Variants in WDR90 observed in about 807,000 individuals in gnomAD.
WDR90 encodes WD repeat domain 90.
Under a neutral mutation model 195.2 loss-of-function variants are expected in WDR90, and 238 were observed. The observed-to-expected ratio is 1.22, with a 90% CI of 1.10 to 1.36. The LOEUF (loss-of-function observed/expected upper bound fraction) is 1.36, where lower values mean the gene tolerates loss of function less well. Ranked by LOEUF, WDR90 falls within the 40% of genes most tolerant of loss-of-function variation. WDR90 has a pLI of 0.00. For synonymous variants in WDR90, 1,265 were observed against 1,052.4 expected, an observed-to-expected ratio of 1.20 and a Z score of -3.91; for missense variants, 2,734 against 2,439.5, an observed-to-expected ratio of 1.12 and a Z score of -2.54.
chr16:657,293 C>G, intron 20 of WDR90, 72 bp downstream of exon 20: 1 of 1,460,464 alleles, frequency 6.8e-7, no homozygotes, highest in Non-Finnish European at 9.1e-7. Flanking sequence ...CAGGCCCACA[C>G]CTGGACACAC....
Position 661,011 on chromosome 16 carries a change from C to T in WDR90, c.3392-40C>T. 1.3e-5 allele frequency: 2 copies of T among 157,250 alleles called. 1 individual carries two copies. Among genetic ancestry groups the T allele is most frequent in the Non-Finnish European group, 1.7e-5 (2 of 117,036 alleles). The allele number at this position is 157,250 out of a possible 1,614,324, so 9.7% of individuals were successfully genotyped here. ...CCAGGCCCCTCCCCGCCCCCCCCCC[C>T]CCCCGGCCCGGCCTCAGGCCCCGCC... is the stretch of plus-strand genomic sequence containing the variant. On this transcript the variant is annotated intron_variant, in intron 28 of 40. Transcript: ENST00000293879.
chr16:653,688 C>T lies in WDR90; in HGVS notation c.1379+18C>T, dbSNP rs373422509. 3 of 1,613,258 alleles carry T rather than the reference C, an allele frequency of 1.9e-6. No individual in the cohort carries two copies. The highest frequency in any genetic ancestry group is 3.3e-5 in the Admixed American group (2 of 60,028). On this transcript the variant is annotated intron_variant, in intron 12 of 40. Transcript: ENST00000293879. ...TCTCTCAGGTGAGCACAGGTCTGCC[C>T]CATGCAGGGGGAGGGGGTCAGCCCA...
chr16:655,796 C>T lies in WDR90; in HGVS notation c.1873C>T (p.Leu625Phe). 1 of 1,590,038 alleles carries T rather than the reference C, an allele frequency of 6.3e-7. No individual in the cohort carries two copies. Among genetic ancestry groups the T allele is most frequent in the Non-Finnish European group, 8.6e-7 (1 of 1,169,554 alleles). ...AGGCCCCGGCATTGCCATCAGCAGC[C>T]TCAGCGTCTCCCCGGCCATGTGTGC... Reference protein sequence around the residue: ...SSGPGIAISSLSVSPAMCAVG... With the variant: ...SSGPGIAISSFSVSPAMCAVG... Residue 625 changes from leucine (L) to phenylalanine (F), a missense_variant, in exon 17 of 41, where the codon CTC (leucine) becomes TTC (phenylalanine). Transcript: ENST00000293879.
chr16:657,712 C>T lies in WDR90; in HGVS notation c.2474-50C>T, dbSNP rs369597241. The T allele has an allele frequency of 8.9e-4, 1,318 of 1,486,306 alleles. 11 individuals are homozygous for T. The South Asian group carries it at 9.4e-3, about 11-fold the overall frequency. 92.1% of individuals were successfully genotyped at this position (1,486,306 alleles called of 1,614,324 possible). A position where few individuals can be genotyped will look rare whatever the true frequency, so the allele number is the denominator to read the frequency against. ...GCGGCCTCCTCGGGCCCTGGCCACG[C>T]GCACCCCGGCACTCCCCACCCAGCT... On this transcript the variant is annotated intron_variant, in intron 20 of 40. Transcript: ENST00000293879.
At position 658,189 on chromosome 16, in the gene WDR90, C is replaced by T. The variant is rs371379168; in HGVS notation, c.2611C>T (p.Arg871Ter). 2.9e-5 allele frequency: 46 copies of T among 1,608,070 alleles called. No individual in the cohort carries two copies. Among genetic ancestry groups the T allele is most frequent in the Admixed American group, 1.0e-4 (6 of 59,892 alleles). Residue 871 changes from arginine to a stop codon, truncating the protein, a stop_gained, in exon 22 of 41, where the codon CGA (arginine) becomes TGA (stop). Transcript: ENST00000293879. LOFTEE classifies it high-confidence loss of function. The part of the protein sequence containing the change: ...MGSASLDELL[R>*]VDIGTLDLAS... The stretch of plus-strand genomic sequence containing the variant: ...CACTTACCACTACCCCCAGCTGCTG[C>T]GAGTTGACATCGGCACTCTGGACCT...
At chr16:664,643 G>A (rs1391156421) in intron 34 of WDR90, among the ~76,000 whole-genome samples, 1 of 152,036 alleles carries the variant, frequency 6.6e-6, no homozygotes, top group East Asian at 1.9e-4. Context: ...GAGCTGTCCT[G>A]GTCTGAGTCC....
At position 667,724 on chromosome 16, in the gene WDR90, A is replaced by G; in HGVS notation, c.*135A>G. 1.4e-6 allele frequency: 2 copies of G among 1,390,492 alleles called. No individual in the cohort carries two copies. Among genetic ancestry groups the G allele is most frequent in the South Asian group, 1.2e-5 (1 of 81,328 alleles). 86.1% of individuals were successfully genotyped at this position (1,390,492 alleles called of 1,614,324 possible). On this transcript the variant is annotated 3_prime_UTR_variant, in exon 41 of 41. Transcript: ENST00000293879. ...AGGATTCACGTAAATCGCCTGGAGC[A>G]AGCTGTTGTAAATTTGGCGCCCTGT...
In WDR90 at chr16:666,944, C is replaced by G; in HGVS notation, c.5044C>G (p.Leu1682Val). The change falls in exon 40 of 41, where the codon CTG becomes GTG. Residue 1682 changes from leucine to valine, a missense_variant. Leu to Val is a conservative substitution (Grantham distance 32). Coordinates refer to ENST00000293879, the MANE Select transcript of WDR90 (RefSeq NM_145294.5). The stretch of plus-strand genomic sequence containing the variant: ...ACCACTGCCCTTTTTTGCCATGTCC[C>G]TGAGCCTGTCCCCCGGGACCCACCT... ...KIPLPFFAMS[L>V]SLSPGTHLLA... The G allele has an allele frequency of 6.2e-7, 1 of 1,612,488 alleles. No homozygotes were observed. The highest frequency in any genetic ancestry group is 8.5e-7 in the Non-Finnish European group (1 of 1,179,384).
chr16:651,509 A>T, intron 7 of WDR90, 135 bp from the exon 8 acceptor site: 1 of 1,033,844 alleles, frequency 9.7e-7, no homozygotes, highest in South Asian at 1.5e-5. Flanking sequence ...CTAGGGTGGA[A>T]GTGGGGATAC....
At position 658,920 on chromosome 16, in the gene WDR90, G is replaced by A. The variant is rs202101949; in HGVS notation, c.2920G>A (p.Val974Met). The A allele has an allele frequency of 5.6e-6, 9 of 1,612,360 alleles. 1 individual carries two copies. The highest frequency in any genetic ancestry group is 2.2e-5 in the South Asian group (2 of 91,084). ...GGTGTACATCGGCCACTCGGAACCCGTGCAGGCTGTGGCCTTCTCTCCTGA... is the reference window on the plus strand; with the variant it reads ...GGTGTACATCGGCCACTCGGAACCCATGCAGGCTGTGGCCTTCTCTCCTGA... ...PQVYIGHSEP[V>M]QAVAFSPDQQ... Residue 974 changes from valine (V) to methionine (M), a missense_variant, in exon 24 of 41, where the codon GTG becomes ATG. Val to Met is a conservative substitution (Grantham distance 21, BLOSUM62 1). Coordinates refer to ENST00000293879, the MANE Select transcript of WDR90 (RefSeq NM_145294.5).
Position 650,344 on chromosome 16 carries a change from G to C in WDR90, c.370G>C (p.Ala124Pro), listed in dbSNP as rs763596056. The stretch of plus-strand genomic sequence containing the variant: ...GCTCCAGTTTCCCTTGGTCCTGGAG[G>C]CCAGGACACCTCAGAGAGGTGACAC... Reference protein sequence around the residue: ...TWLQFPLVLEARTPQRDLVGL... With the variant: ...TWLQFPLVLEPRTPQRDLVGL... The change falls in exon 4 of 41, where the codon GCC (alanine) becomes CCC (proline). Residue 124 changes from alanine (A) to proline (P), a missense_variant. Physicochemically the swap from Ala to Pro is conservative, Grantham distance 27 (BLOSUM62 -1). Coordinates refer to ENST00000293879, the MANE Select transcript of WDR90 (RefSeq NM_145294.5). The C allele has an allele frequency of 6.2e-7, 1 of 1,612,610 alleles. No individual in the cohort carries two copies. The highest frequency in any genetic ancestry group is 8.5e-7 in the Non-Finnish European group (1 of 1,179,832).
At position 651,974 on chromosome 16, in the gene WDR90, G is replaced by A. The variant is rs1388432897; in HGVS notation, c.988G>A (p.Ala330Thr). Residue 330 changes from alanine to threonine, a missense_variant, in exon 9 of 41, where the codon GCC becomes ACC. Transcript: ENST00000293879. ...LEASDIHTAAAGTHVLTHESA... is the reference protein window; with the variant it reads ...LEASDIHTAATGTHVLTHESA... ...GGCCTCTGACATCCACACGGCTGCT[G>A]CCGGCACCCACGTGTTGACTCACGA... 3.7e-6 allele frequency: 6 copies of A among 1,607,266 alleles called. No individual in the cohort carries two copies. The East Asian group carries it at 1.1e-4, about 30-fold the overall frequency.
rs964400641 is a variant in WDR90 at position 659,357 on chromosome 16, G to A, written c.3165G>A (p.Arg1055=). Residue 1055 remains arginine (R), a synonymous_variant, in exon 26 of 41, where the codon AGG becomes AGA. Transcript: ENST00000293879. Reference sequence around the variant, plus strand: ...CACCACGGCTGGGCGTCTGTGCCAGGCCTCCCGAAGGTGGCGATGGTGAGC... The same window carrying A: ...CACCACGGCTGGGCGTCTGTGCCAGACCTCCCGAAGGTGGCGATGGTGAGC... ...ASPPRLGVCA[R]PPEGGDGARD... is the part of the protein sequence containing the mutation. The A allele has an allele frequency of 1.3e-6, 2 of 1,593,134 alleles. No homozygotes were observed. The highest frequency in any genetic ancestry group is 1.7e-6 in the Non-Finnish European group (2 of 1,171,000).
At chr16:654,087 G>C (rs1414241582) in intron 13 of WDR90, 1 of 465,474 alleles carries the variant, frequency 2.1e-6, no homozygotes, top group East Asian at 3.4e-5. Flanking sequence ...TGGTGATGCG[G>C]TTGTAAGATT....
In WDR90 at chr16:662,818, C is replaced by T. The variant is rs755485348; in HGVS notation, c.4285C>T (p.Arg1429Cys). 25 of 1,584,196 alleles carry T rather than the reference C, an allele frequency of 1.6e-5. No homozygotes were observed. The highest frequency in any genetic ancestry group is 5.6e-5 in the South Asian group (5 of 88,704). Residue 1429 changes from arginine (R) to cysteine (C), a missense_variant, in exon 34 of 41, where the codon CGT becomes TGT. Physicochemically the swap from Arg to Cys is radical, Grantham distance 180. Coordinates refer to ENST00000293879, the MANE Select transcript of WDR90 (RefSeq NM_145294.5). ...FVSWAEGTST[R>C]LISGHRSKVN... ...CAGCTGGGCCGAGGGCACCAGCACA[C>T]GTCTCATCAGTGGCCACAGGAGCAA...
intron 13 of WDR90, 85 bp from the exon 14 acceptor site, chr16:654,944 T>C (rs2151211100): frequency 7.2e-7 from 1 of 1,393,860 alleles, no homozygotes; most frequent in East Asian, 2.3e-5. Context: ...AAAAGCCACC[T>C]CCGGGTGGGG....
In WDR90 at chr16:661,265, C is replaced by T. The variant is rs1488041606; in HGVS notation, c.3514-77C>T. The T allele has an allele frequency of 1.4e-5, 21 of 1,531,094 alleles. 1 individual carries two copies. The East Asian group carries it at 1.4e-4, about 10-fold the overall frequency. The allele number at this position is 1,531,094 out of a possible 1,614,324, so 94.8% of individuals were successfully genotyped here. A position where few individuals can be genotyped will look rare whatever the true frequency, so the allele number is the denominator to read the frequency against. ...CGGTGCGGGTTCTCACCACCAAAGA[C>T]GGAGCAGACGGCCACCCCAGCCTCC... On this transcript the variant is annotated intron_variant, in intron 29 of 40. Coordinates refer to ENST00000293879, the MANE Select transcript of WDR90 (RefSeq NM_145294.5).
intron 34 of WDR90, among the ~76,000 whole-genome samples, chr16:664,464 C>T (rs2037983159): frequency 6.6e-6 from 1 of 152,166 alleles, no homozygotes; most frequent in African/African-American, 2.4e-5. Context: ...CTGGGAAATT[C>T]GGGTCCTGAG....
chr16:667,686 G>C lies in WDR90; in HGVS notation c.*97G>C. ...GGCGCCAGGTTGTCAATGGCCTCAT[G>C]CTGGGACAGGCCAGGATTCACGTAA... is the stretch of plus-strand genomic sequence containing the variant. On this transcript the variant is annotated 3_prime_UTR_variant, in exon 41 of 41. Coordinates refer to ENST00000293879, the MANE Select transcript of WDR90 (RefSeq NM_145294.5). The C allele has an allele frequency of 6.5e-7, 1 of 1,544,706 alleles. No individual in the cohort carries two copies. The highest frequency in any genetic ancestry group is 8.7e-7 in the Non-Finnish European group (1 of 1,143,630).
Sources: gnomAD v4.1 joint callset for allele counts (sites outside exome capture counted in the v4.1 genomes callset) on GRCh38, gnomAD v4.1.1 for gene constraint, MANE v1.5 for transcripts, NCBI Gene and HGNC (gene_info 2026-07-23, HGNC 2026-07-21) for gene names.